SLIT2: variants seen among roughly 807,000 people sequenced by gnomAD.
The protein encoded by SLIT2 is slit guidance ligand 2.
SLIT2 carries 41 observed loss-of-function variants against 185.7 expected under a neutral mutation model. That is an observed-to-expected ratio of 0.22 (90% CI 0.17 to 0.29). SLIT2 has a LOEUF of 0.29. Among genes scored for constraint, SLIT2 ranks in the 10% least tolerant of loss-of-function variants. The probability of loss-of-function intolerance (pLI) is 1.00; values close to 1 mark genes in which losing one functional copy is unlikely to be tolerated. For synonymous variants in SLIT2, 693 were observed against 680.2 expected, an observed-to-expected ratio of 1.02 and a Z score of -0.29; for missense variants, 1,571 against 1,909.0, an observed-to-expected ratio of 0.82 and a Z score of 3.30.
intron 4 of SLIT2, among the ~76,000 whole-genome samples, chr4:20,291,409 A>G (rs1375922403): frequency 7.5e-6 from 1 of 132,908 alleles, no homozygotes; most frequent in Admixed American, 8.0e-5. Flanking sequence ...TCCAGCATGC[A>G]CTCTGACCAT....
chr4:20,282,909 G>A (rs28735796), intron 4 of SLIT2, among the ~76,000 whole-genome samples: 117,166 of 152,100 alleles, frequency 0.77, 45,519 homozygotes, highest in East Asian at 0.96. Flanking sequence ...TTTTGTGCCA[G>A]CGTTGTCACG....
Position 20,463,545 on chromosome 4 carries a change from G to GTGTGTGTGTGTGTGTA in SLIT2, c.396-4206_396-4205insGTGTGTGTGTGTGTAT, listed in dbSNP as rs570394768. On this transcript the variant is annotated intron_variant, in intron 4 of 36. Coordinates refer to ENST00000504154, the MANE Select transcript of SLIT2 (RefSeq NM_004787.4). ...TGTGTGTGTGTGTGTGTGTGTGTGT[G>GTGTGTGTGTGTGTGTA]TATATGTATATCTCACATCTCTCCA... is the stretch of plus-strand genomic sequence containing the variant. Among the ~76,000 whole-genome samples the GTGTGTGTGTGTGTGTA allele has an allele frequency of 7.4e-5, 10 of 134,384 alleles. No homozygotes were observed. The South Asian group carries it at 2.5e-3, about 33-fold the overall frequency. 88.2% of individuals were successfully genotyped at this position (134,384 alleles called of 152,430 possible). A position where few individuals can be genotyped will look rare whatever the true frequency, so the allele number is the denominator to read the frequency against.
At chr4:20,276,594 A>G (rs1714190448) in intron 4 of SLIT2, among the ~76,000 whole-genome samples, 2 of 151,872 alleles carry the variant, frequency 1.3e-5, no homozygotes, top group African/African-American at 4.8e-5. Flanking sequence ...TAAAAACAAA[A>G]CAAACAAACA....
chr4:20,430,083 A>G (rs576770469), intron 4 of SLIT2, among the ~76,000 whole-genome samples: 137 of 152,350 alleles, frequency 9.0e-4, no homozygotes, highest in Middle Eastern at 3.4e-3. Context: ...ATCATACTGA[A>G]AAAAACACAG....
chr4:20,505,541 A>C (rs1002748796), intron 9 of SLIT2, among the ~76,000 whole-genome samples: 4 of 152,062 alleles, frequency 2.6e-5, no homozygotes, highest in South Asian at 2.1e-4. Flanking sequence ...AATACTGTTT[A>C]ATATCTTGTA....
chr4:20,298,149 C>T (rs189717603), intron 4 of SLIT2, among the ~76,000 whole-genome samples: 3 of 150,462 alleles, frequency 2.0e-5, no homozygotes, highest in South Asian at 2.1e-4. Flanking sequence ...AGTGCAATGG[C>T]GTAATCTCGG....
intron 5 of SLIT2, among the ~76,000 whole-genome samples, chr4:20,469,685 G>GT (rs1245320060): frequency 7.0e-6 from 1 of 143,860 alleles, no homozygotes; most frequent in Non-Finnish European, 1.5e-5. Context: ...GTCTCAGAAT[G>GT]TTTTGTTATT....
At position 20,525,764 on chromosome 4, in the gene SLIT2, A is replaced by G. The variant is rs567400974; in HGVS notation, c.1462+592A>G. ...TGTTTATGACTTTACATTCTTCTAT[A>G]TCCAGAATTACAATATAACTCCATA... On this transcript the variant is annotated intron_variant, in intron 15 of 36. Transcript: ENST00000504154. Among the ~76,000 whole-genome samples the G allele has an allele frequency of 2.6e-5, 4 of 152,282 alleles. No individual in the cohort carries two copies. The South Asian group carries it at 8.3e-4, about 32-fold the overall frequency.
chr4:20,515,891 C>A (rs1005210965), intron 11 of SLIT2, among the ~76,000 whole-genome samples: 2 of 152,200 alleles, frequency 1.3e-5, no homozygotes, highest in African/African-American at 4.8e-5. Flanking sequence ...TCTCGGCTCA[C>A]TGCAACCTCC....
At chr4:20,388,002 C>T (rs1018566824) in intron 4 of SLIT2, among the ~76,000 whole-genome samples, 1 of 152,080 alleles carries the variant, frequency 6.6e-6, no homozygotes, top group Non-Finnish European at 1.5e-5. Context: ...CATCTCTATA[C>T]ATGTAGAAAA....
At chr4:20,280,265 G>A (rs1189646634) in intron 4 of SLIT2, among the ~76,000 whole-genome samples, 3 of 150,872 alleles carry the variant, frequency 2.0e-5, no homozygotes, top group Admixed American at 6.6e-5. Flanking sequence ...CCTGGGAGGC[G>A]GAGGTTGCAG....
At chr4:20,430,753 A>T (rs528880919) in intron 4 of SLIT2, among the ~76,000 whole-genome samples, 2 of 152,226 alleles carry the variant, frequency 1.3e-5, no homozygotes, top group Non-Finnish European at 2.9e-5. Flanking sequence ...TCGTATTCTC[A>T]TTACAGTTTA....
At position 20,253,775 on chromosome 4, in the gene SLIT2, A is replaced by T; in HGVS notation, c.-41A>T. The stretch of plus-strand genomic sequence containing the variant: ...GTTCCCTCGGAGCAGCAAGCTAAAG[A>T]AAGCCCCCAGTGCCGGCGAGGAAGG... On this transcript the variant is annotated 5_prime_UTR_variant, in exon 1 of 37. Coordinates refer to ENST00000504154, the MANE Select transcript of SLIT2 (RefSeq NM_004787.4). 1.3e-6 allele frequency: 2 copies of T among 1,590,426 alleles called. No homozygotes were observed. The highest frequency in any genetic ancestry group is 1.7e-6 in the Non-Finnish European group (2 of 1,174,912).
chr4:20,368,206 T>C (rs1309767707), intron 4 of SLIT2, among the ~76,000 whole-genome samples: 3 of 120,660 alleles, frequency 2.5e-5, no homozygotes, highest in African/African-American at 9.7e-5. Flanking sequence ...TTTGAAATAG[T>C]GTCACAAAAT....
At chr4:20,519,227 A>C (rs920167168) in intron 11 of SLIT2, among the ~76,000 whole-genome samples, 155 bp from the exon 12 acceptor site, 18 of 152,218 alleles carry the variant, frequency 1.2e-4, no homozygotes, top group African/African-American at 4.1e-4. Context: ...AATCAGGCAA[A>C]AGACATTTGC....
At chr4:20,404,236 T>C (rs1274304817) in intron 4 of SLIT2, among the ~76,000 whole-genome samples, 2 of 152,044 alleles carry the variant, frequency 1.3e-5, no homozygotes, top group Non-Finnish European at 1.5e-5. Context: ...TTCTTAAGTG[T>C]ATTAAGCAGA....
intron 4 of SLIT2, among the ~76,000 whole-genome samples, chr4:20,330,090 C>A (rs1327117603): frequency 2.0e-5 from 3 of 151,990 alleles, no homozygotes; most frequent in Non-Finnish European, 4.4e-5. Context: ...CACTGTATTA[C>A]ATACTTTCTC....
intron 4 of SLIT2, among the ~76,000 whole-genome samples, chr4:20,322,502 C>T (rs746294722): frequency 6.6e-6 from 1 of 152,146 alleles, no homozygotes; most frequent in Non-Finnish European, 1.5e-5. Context: ...TTTGTGAATG[C>T]AGGCTCCTCT....
chr4:20,620,513 C>A lies in SLIT2; in HGVS notation c.*1504C>A. On this transcript the variant is annotated 3_prime_UTR_variant, in exon 37 of 37. Coordinates refer to ENST00000504154, the MANE Select transcript of SLIT2 (RefSeq NM_004787.4). ...GCTTTGTCTTTCTCCAGATTAATAT[C>A]GGTTACACTGCTGATGTTTGTAAAT... 4.7e-6 allele frequency: 2 copies of A among 421,314 alleles called. No homozygotes were observed. The highest frequency in any genetic ancestry group is 1.8e-5 in the South Asian group (1 of 56,940). The allele number at this position is 421,314 out of a possible 1,614,324, so 26.1% of individuals were successfully genotyped here.
Sources: gnomAD v4.1 joint callset for allele counts (sites outside exome capture counted in the v4.1 genomes callset) on GRCh38, gnomAD v4.1.1 for gene constraint, MANE v1.5 for transcripts, NCBI Gene and HGNC (gene_info 2026-07-23, HGNC 2026-07-21) for gene names.